Variants in TSPAN18 observed in about 807,000 individuals in gnomAD.
The protein encoded by TSPAN18 is tetraspanin 18, also known as tetraspanin-18.
Under a neutral mutation model 27.3 loss-of-function variants are expected in TSPAN18, and 14 were observed. The observed-to-expected ratio is 0.51, with a 90% CI of 0.34 to 0.80. The LOEUF is 0.80. Ranked by LOEUF, TSPAN18 falls within the 30% of genes least tolerant of loss-of-function variation. The probability of loss-of-function intolerance (pLI) is 0.01; values close to 1 mark genes in which losing one functional copy is unlikely to be tolerated. For synonymous variants in TSPAN18, 143 were observed against 136.5 expected (o/e 1.05, Z -0.33); for missense variants, 268 against 323.9 (o/e 0.83, Z 1.32).
rs544290430 is a variant in TSPAN18, at chr11:44,909,090, T to C, written c.64-615T>C. On this transcript the variant is annotated intron_variant, in intron 4 of 9. Transcript: ENST00000520358. ...ATGGAGACATAAATAAGAAATCTTT[T>C]GAGCTATGGATTTGAGAGTGGGGAG... Among the ~76,000 whole-genome samples, 5 of 152,286 alleles carry C rather than the reference T, an allele frequency of 3.3e-5. No homozygotes were observed. The East Asian group carries it at 5.8e-4, about 18-fold the overall frequency.
chr11:44,850,616 T>C (rs552997899), intron 2 of TSPAN18, among the ~76,000 whole-genome samples: 2 of 152,244 alleles, frequency 1.3e-5, no homozygotes, highest in South Asian at 4.2e-4. Flanking sequence ...CAATGGGCCT[T>C]CTCCTTGCAT....
chr11:44,749,702 T>G (rs902522780), intron 1 of TSPAN18, among the ~76,000 whole-genome samples: 7 of 148,070 alleles, frequency 4.7e-5, no homozygotes, highest in Non-Finnish European at 1.0e-4. Context: ...AGTGGCGCGA[T>G]CTCGGCTCAC....
chr11:44,918,408 G>A (rs77670870), intron 6 of TSPAN18, among the ~76,000 whole-genome samples: 29 of 152,308 alleles, frequency 1.9e-4, no homozygotes, highest in African/African-American at 7.0e-4. Flanking sequence ...TCTCGGAGGA[G>A]GCCCTGGCTG....
chr11:44,799,058 C>T (rs1288010401), intron 2 of TSPAN18, among the ~76,000 whole-genome samples: 2 of 150,136 alleles, frequency 1.3e-5, no homozygotes, highest in African/African-American at 2.5e-5. Flanking sequence ...CCCTCCTCAC[C>T]CTTGCCCTCC....
chr11:44,917,614 C>T (rs551106449), intron 5 of TSPAN18: 60 of 190,806 alleles, frequency 3.1e-4, no homozygotes, highest in Middle Eastern at 2.0e-3. Context: ...ACAACCTACC[C>T]AGAAGGAAAT....
chr11:44,832,549 C>G (rs1384704437), intron 2 of TSPAN18, among the ~76,000 whole-genome samples: 1 of 152,230 alleles, frequency 6.6e-6, no homozygotes, highest in African/African-American at 2.4e-5. Context: ...TCTTCCCATG[C>G]TGACAGCTGG....
intron 1 of TSPAN18, among the ~76,000 whole-genome samples, chr11:44,749,792 A>G (rs1224811633): frequency 6.6e-6 from 1 of 152,012 alleles, no homozygotes. Flanking sequence ...GCCCGCTACC[A>G]TGCCCGGCTA....
intron 5 of TSPAN18, among the ~76,000 whole-genome samples, chr11:44,912,276 C>A (rs1859749699): frequency 6.6e-6 from 1 of 152,158 alleles, no homozygotes; most frequent in African/African-American, 2.4e-5. Flanking sequence ...CCGCCTCGGC[C>A]TCTCAGAGTG....
At chr11:44,823,095 G>C (rs1037692960) in intron 2 of TSPAN18, among the ~76,000 whole-genome samples, 1 of 152,156 alleles carries the variant, frequency 6.6e-6, no homozygotes. Context: ...TACAACATTG[G>C]AAAGTGACAC....
At chr11:44,800,773 A>C (rs1479012984) in intron 2 of TSPAN18, among the ~76,000 whole-genome samples, 1 of 152,212 alleles carries the variant, frequency 6.6e-6, no homozygotes, top group Non-Finnish European at 1.5e-5. Context: ...AGGTGGGGGC[A>C]GGGACTTCTC....
intron 2 of TSPAN18, among the ~76,000 whole-genome samples, chr11:44,802,745 T>G (rs1018566745): frequency 1.3e-4 from 20 of 152,166 alleles, no homozygotes; most frequent in African/African-American, 4.6e-4. Context: ...GTCCAGTTTG[T>G]CCAAACTGGT....
intron 2 of TSPAN18, among the ~76,000 whole-genome samples, chr11:44,770,323 G>A (rs749535903): frequency 1.3e-5 from 2 of 152,168 alleles, no homozygotes; most frequent in Non-Finnish European, 2.9e-5. Flanking sequence ...AGGAGGTACA[G>A]GGAAGGCCTT....
At chr11:44,908,170 C>T (rs1184689909) in intron 4 of TSPAN18, among the ~76,000 whole-genome samples, 3 of 152,096 alleles carry the variant, frequency 2.0e-5, no homozygotes, top group Admixed American at 6.6e-5. Flanking sequence ...GTCCTTCAGG[C>T]CTCTCCACTG....
chr11:44,793,010 A>T lies in TSPAN18; in HGVS notation c.-153+28498A>T, dbSNP rs1044506406. 7.2e-5 allele frequency among the ~76,000 whole-genome samples: 11 copies of T among 151,992 alleles called. No individual in the cohort carries two copies. In the South Asian group the frequency reaches 1.0e-3, roughly 14 times the overall value. On this transcript the variant is annotated intron_variant, in intron 2 of 9. Coordinates refer to ENST00000520358, the MANE Select transcript of TSPAN18 (RefSeq NM_130783.5). ...TGAGATGTGATATGCTCCCAGGGGG[A>T]AGGGGAGGGAGCTGGGAAAATGGGA...
At chr11:44,775,128 G>T (rs182009666) in intron 2 of TSPAN18, among the ~76,000 whole-genome samples, 161 of 152,276 alleles carry the variant, frequency 1.1e-3, no homozygotes, top group African/African-American at 3.7e-3. Context: ...GGGTCGCCAG[G>T]TACAGCAAAT....
chr11:44,853,499 G>A (rs1857653856), intron 2 of TSPAN18, among the ~76,000 whole-genome samples: 1 of 152,184 alleles, frequency 6.6e-6, no homozygotes, highest in Admixed American at 6.5e-5. Flanking sequence ...CAGGTACTGT[G>A]CTTTATGGCT....
At chr11:44,752,791 T>A (rs1380192509) in intron 1 of TSPAN18, among the ~76,000 whole-genome samples, 1 of 152,224 alleles carries the variant, frequency 6.6e-6, no homozygotes, top group Non-Finnish European at 1.5e-5. Context: ...AAAGAATGCC[T>A]GAATATGATG....
intron 1 of TSPAN18, among the ~76,000 whole-genome samples, chr11:44,729,152 T>C (rs1854591342): frequency 6.6e-6 from 1 of 152,218 alleles, no homozygotes; most frequent in Non-Finnish European, 1.5e-5. Context: ...GCATGATTTT[T>C]ATTTTGAATA....
At chr11:44,806,075 C>G (rs1020715673) in intron 2 of TSPAN18, among the ~76,000 whole-genome samples, 5 of 150,986 alleles carry the variant, frequency 3.3e-5, no homozygotes, top group Non-Finnish European at 5.9e-5. Flanking sequence ...CGCTCTATCC[C>G]CCAGGCTGGA....
Sources: allele counts gnomAD v4.1 joint callset (sites outside exome capture counted in the v4.1 genomes callset), GRCh38; gene constraint gnomAD v4.1.1; transcripts MANE v1.5; gene names NCBI Gene and HGNC (gene_info 2026-07-23, HGNC 2026-07-21).